The following ABCA5 variants were observed in gnomAD, a reference collection of about 807,000 sequenced individuals.
ABCA5 encodes ATP binding cassette subfamily A member 5, also known as cholesterol transporter ABCA5.
In ABCA5, 163 loss-of-function variants were observed where a neutral mutation model predicts 206.0. That is an observed-to-expected ratio of 0.79 (90% CI 0.70 to 0.90). The LOEUF (loss-of-function observed/expected upper bound fraction) is 0.90. ABCA5 is among the 40% of genes least tolerant of loss of function. The pLI is 0.00. For missense variants in ABCA5, 1,859 were observed against 1,912.9 expected (o/e 0.97, Z 0.53); for synonymous variants, 609 against 613.8 (o/e 0.99, Z 0.11).
At position 69,253,799 on chromosome 17, in the gene ABCA5, G is replaced by A. The variant is rs372523620; in HGVS notation, c.4315C>T (p.Arg1439Ter). The A allele has an allele frequency of 3.7e-5, 60 of 1,611,708 alleles. No homozygotes were observed. The highest frequency in any genetic ancestry group is 1.3e-4 in the African/African-American group (10 of 74,848). The stretch of plus-strand genomic sequence containing the variant: ...TTGGTGTTTAATGAAAGTACCTTTC[G>A]TTTGATTCCTGCAGGTAGTTTCTTT... Reference protein sequence around the residue: ...TVKKLPAGIKRKLCFALSMLG... With the variant: ...TVKKLPAGIK Residue 1439 changes from arginine to a stop codon, truncating the protein, a stop_gained, in exon 33 of 39, where the codon CGA becomes TGA. Coordinates refer to ENST00000392676, the MANE Select transcript of ABCA5 (RefSeq NM_172232.4). LOFTEE classifies it high-confidence loss of function.
rs2075375368 is a variant in ABCA5, at chr17:69,280,104, A to G, written c.2393-2262T>C. ...CATCAGAGTGAACAGGCAACCTACA[A>G]AATGGGAGAAAATGTTCGCAACCTA... On this transcript the variant is annotated intron_variant, in intron 18 of 38. Transcript: ENST00000392676. 2.0e-5 allele frequency among the ~76,000 whole-genome samples: 3 copies of G among 152,054 alleles called. No individual in the cohort carries two copies. The South Asian group carries it at 6.2e-4, about 32-fold the overall frequency.
At position 69,286,061 on chromosome 17, in the gene ABCA5, T is replaced by C. The variant is rs1050659605; in HGVS notation, c.2133-24A>G. The C allele has an allele frequency of 2.5e-6, 4 of 1,595,096 alleles. No homozygotes were observed. The African/African-American group carries it at 5.4e-5, about 22-fold the overall frequency. ...TGCTAGAGAATACCAAAAATCACAA[T>C]TAATGATTATACAATAAACAGCCAA... On this transcript the variant is annotated intron_variant, in intron 16 of 38. Transcript: ENST00000392676.
At chr17:69,324,315 A>G (rs969592314) in intron 1 of ABCA5, among the ~76,000 whole-genome samples, 1 of 152,216 alleles carries the variant, frequency 6.6e-6, no homozygotes. Flanking sequence ...AAAGAAAAGA[A>G]TGGTAAAGCT....
chr17:69,249,681 CTTAGA>C (rs1045655141), intron 37 of ABCA5: 2 of 507,008 alleles, frequency 3.9e-6, no homozygotes, highest in African/African-American at 3.9e-5. Flanking sequence ...TTACCTGTGT[CTTAGA>C]TTAAATGAAT....
Position 69,290,436 on chromosome 17 carries a change from C to T in ABCA5, c.1607-399G>A, listed in dbSNP as rs376056247. Among the ~76,000 whole-genome samples the T allele has an allele frequency of 7.9e-5, 12 of 152,114 alleles. No homozygotes were observed. The East Asian group carries it at 1.4e-3, about 17-fold the overall frequency. On this transcript the variant is annotated intron_variant, in intron 12 of 38. Transcript: ENST00000392676. ...CAAATTACTTAATCTCTTTAAATTC[C>T]AGCTTTCCTTTTTTATACAGTGAAC...
At chr17:69,291,074 AAAC>A (rs1425088925) in intron 12 of ABCA5, 139 bp downstream of exon 12, 8 of 464,310 alleles carry the variant, frequency 1.7e-5, no homozygotes, top group Middle Eastern at 5.7e-4. Flanking sequence ...CTTCTACTAA[AAAC>A]AACCACATGT....
intron 1 of ABCA5, among the ~76,000 whole-genome samples, chr17:69,320,039 T>G (rs7225147): frequency 0.022 from 3,302 of 152,296 alleles, 110 homozygotes; most frequent in African/African-American, 0.074. Context: ...ACCTACCTCT[T>G]TGGGTTGTTA....
intron 11 of ABCA5, among the ~76,000 whole-genome samples, chr17:69,293,398 TTC>T (rs1231836101): frequency 1.3e-5 from 2 of 152,102 alleles, no homozygotes; most frequent in Non-Finnish European, 2.9e-5. Context: ...GCAGAACTCC[TTC>T]TCTCTTTGGT....
Position 69,301,133 on chromosome 17 carries a change from G to A in ABCA5, c.1267+6C>T. ...TTAAAGTAAAATTCAAAAACCATCT[G>A]CATACCTGGAATGACTTGATCAAGA... is the stretch of plus-strand genomic sequence containing the variant. On this transcript the variant is annotated splice_donor_region_variant and intron_variant, in intron 9 of 38. Coordinates refer to ENST00000392676, the MANE Select transcript of ABCA5 (RefSeq NM_172232.4). The A allele has an allele frequency of 1.3e-6, 2 of 1,500,772 alleles. No homozygotes were observed. Among genetic ancestry groups the A allele is most frequent in the Non-Finnish European group, 1.8e-6 (2 of 1,132,534 alleles). The allele number at this position is 1,500,772 out of a possible 1,614,324, so 93.0% of individuals were successfully genotyped here. A position where few individuals can be genotyped will look rare whatever the true frequency, so the allele number is the denominator to read the frequency against.
At chr17:69,324,369 T>C (rs149429073) in intron 1 of ABCA5, among the ~76,000 whole-genome samples, 68 of 152,306 alleles carry the variant, frequency 4.5e-4, no homozygotes, top group African/African-American at 1.6e-3. Flanking sequence ...AGAACAGGGA[T>C]ACCTGCCATA....
rs145279181 is a variant in ABCA5, at chr17:69,285,905, T to C, written c.2265A>G (p.Lys755=). ...VYSLPFKDMD[K]FSGLFSALDS... The stretch of plus-strand genomic sequence containing the variant: ...ACTTAAAGTAAGTAATACCTGAAAA[T>C]TTGTCCATGTCCTTGAAAGGCAAGC... Residue 755 remains lysine, a synonymous_variant, in exon 17 of 39, where the codon AAA becomes AAG. Transcript: ENST00000392676. The C allele has an allele frequency of 4.8e-5, 78 of 1,610,690 alleles. No individual in the cohort carries two copies. The highest frequency in any genetic ancestry group is 6.5e-5 in the Non-Finnish European group (77 of 1,178,746).
chr17:69,276,601 C>T (rs913445946), intron 19 of ABCA5, among the ~76,000 whole-genome samples: 2 of 152,042 alleles, frequency 1.3e-5, no homozygotes, highest in African/African-American at 2.4e-5. Context: ...GGGAGCTGAA[C>T]AACGAGAACA....
At chr17:69,325,308 CA>C (rs35573417) in intron 1 of ABCA5, among the ~76,000 whole-genome samples, 143 of 137,772 alleles carry the variant, frequency 1.0e-3, no homozygotes, top group South Asian at 3.2e-3. Flanking sequence ...GACCCTGTCT[CA>C]AAAAAAAAAA....
intron 18 of ABCA5, 98 bp downstream of exon 18, chr17:69,283,855 A>G: frequency 8.0e-7 from 1 of 1,250,778 alleles, no homozygotes; most frequent in Non-Finnish European, 1.1e-6. Flanking sequence ...TCTACCCTTT[A>G]TTCTAAAAAA....
intron 3 of ABCA5, 50 bp from the exon 4 acceptor site, chr17:69,309,473 ATACAG>A: frequency 8.3e-7 from 1 of 1,211,352 alleles, no homozygotes; most frequent in Non-Finnish European, 1.1e-6. Flanking sequence ...AAATACCACA[ATACAG>A]TAGATCAAGT....
At chr17:69,290,186 T>C (rs1031791769) in intron 12 of ABCA5, 149 bp from the exon 13 acceptor site, 1 of 506,778 alleles carries the variant, frequency 2.0e-6, no homozygotes, top group African/African-American at 2.0e-5. Flanking sequence ...CCCTTCAATA[T>C]TATTGGTGAT....
rs149955507 is a variant in ABCA5, at chr17:69,260,985, G to C, written c.3564+140C>G. The C allele has an allele frequency of 4.4e-4, 284 of 650,248 alleles. 1 individual carries two copies. The African/African-American group carries it at 4.6e-3, about 10-fold the overall frequency. 40.3% of individuals were successfully genotyped at this position (650,248 alleles called of 1,614,324 possible). A position where few individuals can be genotyped will look rare whatever the true frequency, so the allele number is the denominator to read the frequency against. ...TTGACAAGAGCTCACAATAATTTAT[G>C]CTGCATTAATAATATCTAAATCAAG... On this transcript the variant is annotated intron_variant, in intron 26 of 38. Coordinates refer to ENST00000392676, the MANE Select transcript of ABCA5 (RefSeq NM_172232.4).
intron 2 of ABCA5, among the ~76,000 whole-genome samples, chr17:69,313,718 A>G (rs2075791005): frequency 6.6e-6 from 1 of 152,172 alleles, no homozygotes; most frequent in South Asian, 2.1e-4. Flanking sequence ...AATTATACCT[A>G]AATGTATACT....
Position 69,287,601 on chromosome 17 carries a change from C to A in ABCA5, c.2041+12G>T. On this transcript the variant is annotated intron_variant, in intron 15 of 38. Coordinates refer to ENST00000392676, the MANE Select transcript of ABCA5 (RefSeq NM_172232.4). ...ATGATCTCAGCCTTCGAAAATAAAA[C>A]AAAAATCTCACCTGCAAGAATGTCA... 1.2e-6 allele frequency: 2 copies of A among 1,604,104 alleles called. No individual in the cohort carries two copies. The highest frequency in any genetic ancestry group is 1.7e-6 in the Non-Finnish European group (2 of 1,175,304).
Sources: gnomAD v4.1 joint callset for allele counts (sites outside exome capture counted in the v4.1 genomes callset) on GRCh38, gnomAD v4.1.1 for gene constraint, MANE v1.5 for transcripts, NCBI Gene and HGNC (gene_info 2026-07-23, HGNC 2026-07-21) for gene names.